RPTOR: variants seen among roughly 807,000 people sequenced by gnomAD.
RPTOR encodes regulatory-associated protein of mTOR.
Under a neutral mutation model 169.9 loss-of-function variants are expected in RPTOR, and 21 were observed. The ratio of observed to expected loss-of-function variants is 0.12; its 90% CI spans 0.09 to 0.18. The LOEUF is 0.18. Among genes scored for constraint, RPTOR ranks in the 10% least tolerant of loss-of-function variants. The pLI is 1.00. For missense variants in RPTOR, 1,133 were observed against 1,855.9 expected, an observed-to-expected ratio of 0.61 and a Z score of 7.16; for synonymous variants, 732 against 753.2, an observed-to-expected ratio of 0.97 and a Z score of 0.46.
Position 80,545,719 on chromosome 17 carries a change from T to C in RPTOR, c.90T>C (p.Phe30=), listed in dbSNP as rs61750765. 185,556 of 1,613,354 alleles carry C rather than the reference T, an allele frequency of 0.12. 12,012 individuals carry two copies. The highest frequency in any genetic ancestry group is 0.15 in the Middle Eastern group (880 of 6,060). The change falls in exon 1 of 34, where the codon TTT becomes TTC. Residue 30 remains phenylalanine, a synonymous_variant. Transcript: ENST00000306801. ...CAGACTGGAACCTACCTTTGGCTTTTATGAAAAAGAGGCACTGTGAGAAAA... is the reference window on the plus strand; with the variant it reads ...CAGACTGGAACCTACCTTTGGCTTTCATGAAAAAGAGGCACTGTGAGAAAA... ...DLTDWNLPLA[F]MKKRHCEKIE...
At chr17:80,665,490 T>G (rs142327568) in intron 3 of RPTOR, among the ~76,000 whole-genome samples, 1 of 46,824 alleles carries the variant, frequency 2.1e-5, no homozygotes, top group Admixed American at 1.9e-4. Context: ...TTCCTTTCCT[T>G]TCCTTTCCTT....
intron 13 of RPTOR, among the ~76,000 whole-genome samples, chr17:80,859,892 C>T (rs1050671987): frequency 2.0e-5 from 3 of 152,222 alleles, no homozygotes; most frequent in Non-Finnish European, 4.4e-5. Flanking sequence ...GAGCAGGGGC[C>T]ACATAGCTGC....
In RPTOR at chr17:80,890,365, C is replaced by T. The variant is rs568289634; in HGVS notation, c.1984-1355C>T. ...TGGGTGTTCGCTTTGTCGGAGGCCC[C>T]GTCTCGGCAGTGCCTCACTCCTCTT... On this transcript the variant is annotated intron_variant, in intron 17 of 33. Coordinates refer to ENST00000306801, the MANE Select transcript of RPTOR (RefSeq NM_020761.3). Among the ~76,000 whole-genome samples, 101 of 152,348 alleles carry T rather than the reference C, an allele frequency of 6.6e-4. 1 individual carries two copies. The highest frequency in any genetic ancestry group is 2.3e-3 in the African/African-American group (96 of 41,594).
Position 80,656,756 on chromosome 17 carries a change from G to A in RPTOR, c.348+12946G>A, listed in dbSNP as rs114398281. Among the ~76,000 whole-genome samples, 679 of 152,306 alleles carry A rather than the reference G, an allele frequency of 4.5e-3. 5 individuals are homozygous for A. The highest frequency in any genetic ancestry group is 0.016 in the African/African-American group (649 of 41,556). ...CTGTGCCATGCGTGTGACATGATGA[G>A]CTGGAAAGACTTTGCATGGGGCCCA... On this transcript the variant is annotated intron_variant, in intron 3 of 33. Transcript: ENST00000306801.
At chr17:80,765,842 C>T (rs1288592114) in intron 6 of RPTOR, among the ~76,000 whole-genome samples, 1 of 152,172 alleles carries the variant, frequency 6.6e-6, no homozygotes, top group African/African-American at 2.4e-5. Context: ...AAGGCTACAT[C>T]AGAGCTCTTC....
At chr17:80,870,890 T>C (rs75488547) in intron 13 of RPTOR, among the ~76,000 whole-genome samples, 1,841 of 152,352 alleles carry the variant, frequency 0.012, 39 homozygotes, top group African/African-American at 0.042. Context: ...TGAACTTATG[T>C]TGATCAGTTA....
At chr17:80,716,767 A>G (rs187204505) in intron 4 of RPTOR, among the ~76,000 whole-genome samples, 1 of 152,338 alleles carries the variant, frequency 6.6e-6, no homozygotes, top group African/African-American at 2.4e-5. Context: ...ATGAGGATCC[A>G]GTTTCATTCT....
chr17:80,913,905 A>G (rs746366459), intron 21 of RPTOR, among the ~76,000 whole-genome samples: 2 of 152,224 alleles, frequency 1.3e-5, no homozygotes, highest in African/African-American at 2.4e-5. Context: ...ACAGGTGGTC[A>G]CCTGTCAGGG....
At chr17:80,660,298 T>C (rs1421277827) in intron 3 of RPTOR, among the ~76,000 whole-genome samples, 1 of 148,590 alleles carries the variant, frequency 6.7e-6, no homozygotes, top group Non-Finnish European at 1.5e-5. Flanking sequence ...GAATGATAAA[T>C]GAGAAACATG....
intron 24 of RPTOR, among the ~76,000 whole-genome samples, chr17:80,938,458 GTC>G (rs1362069063): frequency 1.3e-5 from 2 of 152,212 alleles, no homozygotes; most frequent in Admixed American, 6.5e-5. Flanking sequence ...ACAGCTTTGA[GTC>G]TTTCCACCGC....
intron 5 of RPTOR, among the ~76,000 whole-genome samples, chr17:80,748,217 G>A (rs59800178): frequency 2.3e-4 from 19 of 80,892 alleles, no homozygotes; most frequent in East Asian, 8.3e-4. Flanking sequence ...TGGCGGGAGG[G>A]CCTGTTGGGT....
intron 7 of RPTOR, among the ~76,000 whole-genome samples, chr17:80,792,436 A>G (rs905564230): frequency 3.9e-5 from 6 of 152,258 alleles, no homozygotes; most frequent in African/African-American, 1.2e-4. Flanking sequence ...GGGCACGGTG[A>G]GCTCCGTCGT....
intron 7 of RPTOR, chr17:80,805,568 G>A (rs1235153610): frequency 6.6e-6 from 1 of 152,180 alleles, no homozygotes; most frequent in Non-Finnish European, 1.5e-5. Context: ...CTGTCTGAAG[G>A]TCGGCCCTGA....
At chr17:80,647,626 A>T (rs1398481747) in intron 3 of RPTOR, among the ~76,000 whole-genome samples, 1 of 152,144 alleles carries the variant, frequency 6.6e-6, no homozygotes, top group Admixed American at 6.5e-5. Flanking sequence ...ATAAGTTTCT[A>T]TGGGAATATC....
chr17:80,641,253 T>C (rs2065551909), intron 2 of RPTOR, among the ~76,000 whole-genome samples: 1 of 152,240 alleles, frequency 6.6e-6, no homozygotes, highest in Admixed American at 6.5e-5. Context: ...ATAACAAATT[T>C]ACCACAATTC....
intron 1 of RPTOR, among the ~76,000 whole-genome samples, chr17:80,616,181 C>T (rs1367428247): frequency 6.6e-6 from 1 of 151,936 alleles, no homozygotes; most frequent in Non-Finnish European, 1.5e-5. Context: ...GACTCAGTCC[C>T]ATGATAATGT....
Position 80,936,664 on chromosome 17 carries a change from A to G in RPTOR, c.2920-3832A>G, listed in dbSNP as rs1400446405. ...GCAAAACTGTGTGGAACTGTTCTAT[A>G]TCTTCCACATTTATCAAAACTCCGC... is the stretch of plus-strand genomic sequence containing the variant. On this transcript the variant is annotated intron_variant, in intron 24 of 33. Coordinates refer to ENST00000306801, the MANE Select transcript of RPTOR (RefSeq NM_020761.3). This position sits in a 1 kb window ranked among gnomAD's most constrained non-coding sequence, Gnocchi z 4.1. Among the ~76,000 whole-genome samples the G allele has an allele frequency of 1.3e-5, 2 of 152,234 alleles. No homozygotes were observed.
chr17:80,914,664 C>A (rs953384568), intron 21 of RPTOR, among the ~76,000 whole-genome samples: 1 of 151,488 alleles, frequency 6.6e-6, no homozygotes, highest in Admixed American at 6.6e-5. Flanking sequence ...GGGCAGTGCT[C>A]ACATGCCAAC....
chr17:80,616,667 A>G (rs1303949558), intron 1 of RPTOR, among the ~76,000 whole-genome samples: 1 of 152,176 alleles, frequency 6.6e-6, no homozygotes, highest in Non-Finnish European at 1.5e-5. Flanking sequence ...GCATGCCTGT[A>G]GTCTGAGCTA....
Sources: gnomAD v4.1 joint callset for allele counts (sites outside exome capture counted in the v4.1 genomes callset) on GRCh38, gnomAD v4.1.1 for gene constraint, Gnocchi (gnomAD v3.1) non-coding constraint, MANE v1.5 for transcripts, NCBI Gene and HGNC (gene_info 2026-07-23, HGNC 2026-07-21) for gene names.